The following AMOTL1 variants were observed in gnomAD, a reference collection of about 807,000 sequenced individuals.
AMOTL1 encodes angiomotin like 1, also known as angiomotin-like protein 1.
In AMOTL1, 45 loss-of-function variants were observed where a neutral mutation model predicts 102.9. The observed-to-expected ratio is 0.44, with a 90% confidence interval of 0.34 to 0.56. AMOTL1 has a LOEUF of 0.56. Among genes scored for constraint, AMOTL1 ranks in the 20% least tolerant of loss-of-function variants. The pLI is 0.01. For synonymous variants in AMOTL1, 481 were observed against 484.7 expected (o/e 0.99, Z 0.10); for missense variants, 1,114 against 1,225.6 (o/e 0.91, Z 1.36).
chr11:94,864,622 C>T (rs1397312224), intron 9 of AMOTL1, 113 bp from the exon 10 acceptor site: 1 of 1,439,120 alleles, frequency 6.9e-7, no homozygotes, highest in Non-Finnish European at 9.4e-7. Context: ...ATGCGAGATG[C>T]AGAGCTGATC....
At chr11:94,829,594 G>C (rs1435260959) in intron 4 of AMOTL1, among the ~76,000 whole-genome samples, 1 of 152,130 alleles carries the variant, frequency 6.6e-6, no homozygotes, top group Non-Finnish European at 1.5e-5. Flanking sequence ...ATGTTCCTTT[G>C]GGGACAGATA....
intron 1 of AMOTL1, among the ~76,000 whole-genome samples, chr11:94,785,660 G>A (rs1326134006): frequency 2.6e-5 from 4 of 152,218 alleles, no homozygotes; most frequent in South Asian, 2.1e-4. Flanking sequence ...GTGGGATGCC[G>A]CTGCCTGACA....
chr11:94,750,838 C>G (rs1788779849), intron 3 of AMOTL1, among the ~76,000 whole-genome samples: 1 of 152,190 alleles, frequency 6.6e-6, no homozygotes, highest in South Asian at 2.1e-4. Flanking sequence ...TGTTACACTT[C>G]CCCAAATCTG....
At chr11:94,816,832 T>A (rs1316259086) in intron 3 of AMOTL1, among the ~76,000 whole-genome samples, 1 of 152,110 alleles carries the variant, frequency 6.6e-6, no homozygotes, top group African/African-American at 2.4e-5. Flanking sequence ...GGCCAGAAAT[T>A]AAAACTATCC....
chr11:94,843,449 G>T (rs1952346509), intron 6 of AMOTL1, among the ~76,000 whole-genome samples: 1 of 152,112 alleles, frequency 6.6e-6, no homozygotes, highest in African/African-American at 2.4e-5. Flanking sequence ...AAATAGTTTT[G>T]TAGACAGTAA....
intron 3 of AMOTL1, among the ~76,000 whole-genome samples, chr11:94,805,597 T>C (rs1409248964): frequency 1.3e-5 from 2 of 152,244 alleles, no homozygotes; most frequent in African/African-American, 4.8e-5. Flanking sequence ...CTGTTTCTAC[T>C]CTCTCAGCCT....
chr11:94,866,536 G>A (rs1000205793), intron 11 of AMOTL1: 3 of 247,926 alleles, frequency 1.2e-5, no homozygotes, highest in African/African-American at 2.2e-5. Context: ...CTGCTTCCAC[G>A]TCTGGAAAGG....
At chr11:94,819,719 T>C (rs1951830060) in intron 3 of AMOTL1, among the ~76,000 whole-genome samples, 1 of 152,204 alleles carries the variant, frequency 6.6e-6, no homozygotes. Context: ...CCACCTTGGG[T>C]AGATGTGGTC....
chr11:94,803,639 G>A (rs757429132), intron 3 of AMOTL1, among the ~76,000 whole-genome samples: 3 of 152,210 alleles, frequency 2.0e-5, no homozygotes, highest in Admixed American at 6.5e-5. Flanking sequence ...TATTACTTAT[G>A]ACTCTTTGTG....
At chr11:94,764,716 G>A (rs1277064962), upstream of AMOTL1, among the ~76,000 whole-genome samples, 1 of 152,168 alleles carries the variant, frequency 6.6e-6, no homozygotes, top group East Asian at 1.9e-4. Flanking sequence ...TTGTCAAGAA[G>A]GGGTGCTGAG....
At position 94,768,400 on chromosome 11, in the gene AMOTL1, G is replaced by T; in HGVS notation, c.-112G>T. 1.3e-6 allele frequency: 2 copies of T among 1,519,328 alleles called. No homozygotes were observed. The highest frequency in any genetic ancestry group is 1.8e-6 in the Non-Finnish European group (2 of 1,134,236). The allele number at this position is 1,519,328 out of a possible 1,614,324, so 94.1% of individuals were successfully genotyped here. On this transcript the variant is annotated 5_prime_UTR_variant, in exon 1 of 13. Coordinates refer to ENST00000433060, the MANE Select transcript of AMOTL1 (RefSeq NM_130847.3). The stretch of plus-strand genomic sequence containing the variant: ...GACCCAGCAGCGGTTGTCGGGTTTG[G>T]GGCTGGAGGTGAAGCCCTGTGTGAA...
intron 3 of AMOTL1, among the ~76,000 whole-genome samples, chr11:94,810,831 G>GAC (rs3995610): frequency 0.014 from 2,071 of 143,732 alleles, 23 homozygotes; most frequent in South Asian, 0.025. Context: ...AAAAATAAAA[G>GAC]ACACACACAC....
intron 1 of AMOTL1, among the ~76,000 whole-genome samples, chr11:94,710,762 T>G (rs1286222965): frequency 6.6e-6 from 1 of 152,154 alleles, no homozygotes. Context: ...TTGTCCCTCT[T>G]TTTGCTCCTA....
At chr11:94,736,355 G>A (rs1413647534) in intron 2 of AMOTL1, among the ~76,000 whole-genome samples, 1 of 152,170 alleles carries the variant, frequency 6.6e-6, no homozygotes, top group Non-Finnish European at 1.5e-5. Flanking sequence ...GGGTTCAAGC[G>A]ATTCTCCTGC....
At chr11:94,861,718 G>T (rs1001805413) in intron 9 of AMOTL1, among the ~76,000 whole-genome samples, 5 of 152,218 alleles carry the variant, frequency 3.3e-5, no homozygotes, top group African/African-American at 4.8e-5. Flanking sequence ...GTGTAAATGT[G>T]TGACCTTGGA....
At chr11:94,784,325 T>G (rs1355809485) in intron 1 of AMOTL1, among the ~76,000 whole-genome samples, 1 of 152,204 alleles carries the variant, frequency 6.6e-6, no homozygotes, top group African/African-American at 2.4e-5. Context: ...ATGTATGGTA[T>G]GCTAGGCATT....
chr11:94,789,619 G>T (rs1468105850), intron 1 of AMOTL1, among the ~76,000 whole-genome samples: 8 of 152,168 alleles, frequency 5.3e-5, no homozygotes, highest in African/African-American at 9.7e-5. Flanking sequence ...TTCAGGTACT[G>T]GTCATAGGTT....
chr11:94,712,267 C>T (rs1395144829), intron 1 of AMOTL1, among the ~76,000 whole-genome samples: 1 of 151,866 alleles, frequency 6.6e-6, no homozygotes, highest in Non-Finnish European at 1.5e-5. Context: ...TGCCTTTTGC[C>T]CCAATAAATG....
chr11:94,722,468 A>T (rs1565327074), intron 1 of AMOTL1, among the ~76,000 whole-genome samples: 1 of 152,172 alleles, frequency 6.6e-6, no homozygotes, highest in South Asian at 2.1e-4. Context: ...TAAATTACAG[A>T]CATTTCTCAC....
Sources: allele counts gnomAD v4.1 joint callset (sites outside exome capture counted in the v4.1 genomes callset), GRCh38; gene constraint gnomAD v4.1.1; transcripts MANE v1.5; gene names NCBI Gene and HGNC (gene_info 2026-07-23, HGNC 2026-07-21).